Variants in PIGF observed in about 807,000 individuals in gnomAD.
PIGF encodes the protein GPI ethanolamine phosphate transferase, stabilizing subunit.
Under a neutral mutation model 26.0 loss-of-function variants are expected in PIGF, and 23 were observed. That is an observed-to-expected ratio of 0.88 (90% CI 0.64 to 1.25). The LOEUF is 1.25. PIGF is among the 50% of genes most tolerant of loss of function. PIGF has a pLI of 0.00. For synonymous variants in PIGF, 93 were observed against 92.6 expected, an observed-to-expected ratio of 1.00 and a Z score of -0.03; for missense variants, 278 against 249.9, an observed-to-expected ratio of 1.11 and a Z score of -0.76.
In PIGF at chr2:46,613,771, C is replaced by T; in HGVS notation, c.243G>A (p.Leu81=). ...ACATAAGAAAGTAGATACAGCATTT[C>T]AAAAATCCAGTTACCTAAAAGAGAA... ...SSLSHKVTGF[L]KCCIYFLMSC... Residue 81 remains leucine (L), a synonymous_variant, in exon 3 of 6, where the codon TTG becomes TTA. Transcript: ENST00000281382. 1 of 1,556,644 alleles carries T rather than the reference C, an allele frequency of 6.4e-7. No individual in the cohort carries two copies. Among genetic ancestry groups the T allele is most frequent in the South Asian group, 1.1e-5 (1 of 86,962 alleles).
chr2:46,597,629 C>T (rs1669929947), intron 4 of PIGF, among the ~76,000 whole-genome samples: 1 of 152,142 alleles, frequency 6.6e-6, no homozygotes, highest in Admixed American at 6.6e-5. Flanking sequence ...CCAGGCTGGT[C>T]TCGAACTCCT....
chr2:46,587,455 A>G (rs1350299614), intron 5 of PIGF, among the ~76,000 whole-genome samples: 1 of 152,038 alleles, frequency 6.6e-6, no homozygotes, highest in Non-Finnish European at 1.5e-5. Flanking sequence ...AAAAAACCCA[A>G]AAAATTTTTA....
rs1211062556 is a variant in PIGF, at chr2:46,616,961, G to A, written c.-22+9C>T. On this transcript the variant is annotated intron_variant, in intron 1 of 5. Coordinates refer to ENST00000281382, the MANE Select transcript of PIGF (RefSeq NM_002643.4). ...AGGCGAGACGCCGAGGGCGTCCAGCGGGGCTTACCTAACTCTCCCTCCCGC... is the reference window on the plus strand; with the variant it reads ...AGGCGAGACGCCGAGGGCGTCCAGCAGGGCTTACCTAACTCTCCCTCCCGC... The A allele has an allele frequency of 2.0e-6, 1 of 507,804 alleles. No homozygotes were observed. The highest frequency in any genetic ancestry group is 2.1e-5 in the South Asian group (1 of 47,282). The allele number at this position is 507,804 out of a possible 1,614,324, so 31.5% of individuals were successfully genotyped here. A position where few individuals can be genotyped will look rare whatever the true frequency, so the allele number is the denominator to read the frequency against.
intron 4 of PIGF, among the ~76,000 whole-genome samples, chr2:46,603,217 C>CA (rs1670113912): frequency 6.6e-6 from 1 of 151,788 alleles, no homozygotes; most frequent in Non-Finnish European, 1.5e-5. Context: ...GAAGAGGACA[C>CA]AAAAAATGGA....
intron 4 of PIGF, among the ~76,000 whole-genome samples, chr2:46,594,024 G>A (rs906191964): frequency 6.6e-6 from 1 of 152,154 alleles, no homozygotes; most frequent in Non-Finnish European, 1.5e-5. Flanking sequence ...ATCCAAATTT[G>A]TACTATTTGT....
Position 46,608,328 on chromosome 2 carries a change from A to G in PIGF, c.437+3900T>C, listed in dbSNP as rs559010194. Among the ~76,000 whole-genome samples, 74 of 152,338 alleles carry G rather than the reference A, an allele frequency of 4.9e-4. 1 individual carries two copies. The highest frequency in any genetic ancestry group is 7.2e-4 in the Non-Finnish European group (49 of 68,036). On this transcript the variant is annotated intron_variant, in intron 4 of 5. Coordinates refer to ENST00000281382, the MANE Select transcript of PIGF (RefSeq NM_002643.4). ...TTTTATCATAATGTTGCAGCAATTC[A>G]GTCACATCTTCAGGCTCCTGTTCTA...
At chr2:46,582,275 C>G (rs1669416623) in intron 5 of PIGF, 1 of 151,500 alleles carries the variant, frequency 6.6e-6, no homozygotes, top group Non-Finnish European at 1.5e-5. Context: ...GTGAAAGGCT[C>G]TGCTTGAAAA....
intron 4 of PIGF, among the ~76,000 whole-genome samples, chr2:46,600,221 C>T (rs1481503628): frequency 2.0e-5 from 3 of 152,024 alleles, no homozygotes; most frequent in Non-Finnish European, 4.4e-5. Context: ...GGTAAAGAGG[C>T]CTGATGGGGA....
intron 4 of PIGF, among the ~76,000 whole-genome samples, chr2:46,607,546 CAT>C (rs1670263933): frequency 6.6e-6 from 1 of 152,144 alleles, no homozygotes; most frequent in South Asian, 2.1e-4. Flanking sequence ...TTTAAATGCA[CAT>C]GATTTAAAAA....
chr2:46,609,297 G>A (rs1291625409), intron 4 of PIGF, among the ~76,000 whole-genome samples: 1 of 152,188 alleles, frequency 6.6e-6, no homozygotes, highest in East Asian at 1.9e-4. Context: ...AGCCTTCACA[G>A]AAATGAAGAG....
At chr2:46,602,254 G>T (rs1670082824) in intron 4 of PIGF, among the ~76,000 whole-genome samples, 2 of 151,810 alleles carry the variant, frequency 1.3e-5, no homozygotes, top group African/African-American at 4.8e-5. Context: ...TTAAAATAGT[G>T]TCTTTTAGTT....
intron 5 of PIGF, among the ~76,000 whole-genome samples, chr2:46,585,795 A>ACGGACTCT: frequency 6.6e-6 from 1 of 150,468 alleles, no homozygotes; most frequent in Non-Finnish European, 1.5e-5. Context: ...TTTTTTTGAG[A>ACGGACTCT]CGGACTCTCG....
intron 4 of PIGF, among the ~76,000 whole-genome samples, chr2:46,603,630 G>A (rs1160690934): frequency 2.0e-5 from 3 of 152,012 alleles, no homozygotes; most frequent in East Asian, 3.9e-4. Flanking sequence ...TCCATAAGTG[G>A]TGGCAGGAAA....
At chr2:46,591,803 C>T in intron 5 of PIGF, 2 of 1,274,090 alleles carry the variant, frequency 1.6e-6, no homozygotes, top group Admixed American at 2.5e-5. Flanking sequence ...GAGCACTTAC[C>T]TCACAGTGCT....
chr2:46,583,850 G>A (rs568171311), intron 5 of PIGF, among the ~76,000 whole-genome samples: 1 of 152,162 alleles, frequency 6.6e-6, no homozygotes, highest in Admixed American at 6.5e-5. Context: ...GGCCATGTAT[G>A]AATGAACTTA....
intron 4 of PIGF, among the ~76,000 whole-genome samples, chr2:46,606,282 A>G (rs1353944436): frequency 6.6e-6 from 1 of 152,174 alleles, no homozygotes; most frequent in Non-Finnish European, 1.5e-5. Context: ...AGGTTTTATC[A>G]GTTTCTCACA....
rs1669629187 is a variant in PIGF at position 46,588,018 on chromosome 2, T to C, written c.546+4457A>G. On this transcript the variant is annotated intron_variant, in intron 5 of 5. Coordinates refer to ENST00000281382, the MANE Select transcript of PIGF (RefSeq NM_002643.4). This position sits in a 1 kb window ranked among gnomAD's most constrained non-coding sequence, Gnocchi z 4.1. ...CCTGAGTAATGCTAAGCAAGATGTG[T>C]ACTCCTCCCCTCTCACACTTGGACT... 2 of 1,434,992 alleles carry C rather than the reference T, an allele frequency of 1.4e-6. No individual in the cohort carries two copies. Among genetic ancestry groups the C allele is most frequent in the Non-Finnish European group, 1.8e-6 (2 of 1,081,330 alleles). The allele number at this position is 1,434,992 out of a possible 1,614,324, so 88.9% of individuals were successfully genotyped here.
At chr2:46,587,980 C>G in intron 5 of PIGF, 1 of 1,004,850 alleles carries the variant, frequency 1.0e-6, no homozygotes, top group Non-Finnish European at 1.3e-6. Context: ...AATCTTAAGT[C>G]TCCCTCTTCC....
At chr2:46,583,502 C>T (rs1399405612) in intron 5 of PIGF, among the ~76,000 whole-genome samples, 1 of 152,098 alleles carries the variant, frequency 6.6e-6, no homozygotes, top group Non-Finnish European at 1.5e-5. Flanking sequence ...GCTGAGGTGC[C>T]TTAGGTACTC....
Sources: gnomAD v4.1 joint callset for allele counts (sites outside exome capture counted in the v4.1 genomes callset) on GRCh38, gnomAD v4.1.1 for gene constraint, Gnocchi (gnomAD v3.1) non-coding constraint, MANE v1.5 for transcripts, NCBI Gene and HGNC (gene_info 2026-07-23, HGNC 2026-07-21) for gene names.